PTGER4: variants seen among roughly 807,000 people sequenced by gnomAD.
The protein encoded by PTGER4 is prostaglandin E2 receptor EP4 subtype.
In PTGER4, 11 loss-of-function variants were observed where a neutral mutation model predicts 33.2. The ratio of observed to expected loss-of-function variants is 0.33; its 90% confidence interval spans 0.21 to 0.55. PTGER4 has a LOEUF of 0.55. PTGER4 is among the 20% of genes least tolerant of loss of function. The probability of loss-of-function intolerance (pLI) is 0.92; values close to 1 mark genes in which losing one functional copy is unlikely to be tolerated. For missense variants in PTGER4, 481 were observed against 650.2 expected (o/e 0.74, Z 2.83); for synonymous variants, 275 against 281.5 (o/e 0.98, Z 0.23).
At chr5:40,717,615 T>C in the PTGER4 span, among the ~76,000 whole-genome samples, 1 of 152,238 alleles carries the variant, frequency 6.6e-6, no homozygotes, top group Non-Finnish European at 1.5e-5. Context: ...CTAGTTGTGA[T>C]AAACAAAAAT....
chr5:40,715,262 G>A, the PTGER4 span: 4 of 152,074 alleles, frequency 2.6e-5, no homozygotes, highest in Admixed American at 1.3e-4. Context: ...AAAGACACAA[G>A]CAAGAAGTAA....
Position 40,681,931 on chromosome 5 carries a change from C to G in PTGER4, c.867+71C>G. ...CACCTCCCGCGTCCATTCCCCGCTC[C>G]CTGCTTTCCCTCTGAGTCCTTGGCA... On this transcript the variant is annotated intron_variant, in intron 2 of 2. Transcript: ENST00000302472. This position sits in a 1 kb window ranked among gnomAD's most constrained non-coding sequence, Gnocchi z 9.8. 1 of 1,450,878 alleles carries G rather than the reference C, an allele frequency of 6.9e-7. No individual in the cohort carries two copies. The highest frequency in any genetic ancestry group is 1.4e-5 in the South Asian group (1 of 70,044). 89.9% of individuals were successfully genotyped at this position (1,450,878 alleles called of 1,614,324 possible).
rs1741147091 is a variant in PTGER4, at chr5:40,680,129, C to T, written c.-393C>T. ...AGCTGGGGACCAAGGCTCCGCGCCA[C>T]CTGCGCGCACAGCCTCACACCTGAA... On this transcript the variant is annotated 5_prime_UTR_variant, in exon 1 of 3. Coordinates refer to ENST00000302472, the MANE Select transcript of PTGER4 (RefSeq NM_000958.3). The surrounding 1 kb of genome is among the most constrained non-coding windows in gnomAD (Gnocchi z 5.5). 1 of 152,426 alleles carries T rather than the reference C, an allele frequency of 6.6e-6. No homozygotes were observed. The highest frequency in any genetic ancestry group is 6.5e-5 in the Admixed American group (1 of 15,296). 9.4% of individuals were successfully genotyped at this position (152,426 alleles called of 1,614,324 possible).
chr5:40,684,025 T>C (rs778603536), intron 2 of PTGER4, among the ~76,000 whole-genome samples: 4 of 151,996 alleles, frequency 2.6e-5, no homozygotes, highest in Non-Finnish European at 5.9e-5. Context: ...AGCAGTGGCA[T>C]CAGTTTGTCG....
At chr5:40,716,513 C>CA in the PTGER4 span, 6 of 1,554,338 alleles carry the variant, frequency 3.9e-6, no homozygotes, top group Non-Finnish European at 4.3e-6. Flanking sequence ...AAAATAAGGT[C>CA]AGAGTTTTTT....
chr5:40,724,325 T>C, the PTGER4 span, among the ~76,000 whole-genome samples: 6 of 151,982 alleles, frequency 3.9e-5, no homozygotes, highest in African/African-American at 1.5e-4. Context: ...AACAGGCAAA[T>C]TCATAGACTC....
At chr5:40,698,289 A>C (rs538545914), downstream of PTGER4, among the ~76,000 whole-genome samples, 10 of 151,824 alleles carry the variant, frequency 6.6e-5, no homozygotes, top group Admixed American at 2.6e-4. Flanking sequence ...AAAATTTAAT[A>C]ATAATCATCA....
chr5:40,689,778 T>A (rs1414184237), intron 2 of PTGER4, among the ~76,000 whole-genome samples: 1 of 152,204 alleles, frequency 6.6e-6, no homozygotes, highest in East Asian at 1.9e-4. Flanking sequence ...TTTCTCCTTT[T>A]TGTGGTTTTT....
chr5:40,741,262 T>C, the PTGER4 span, among the ~76,000 whole-genome samples: 1 of 152,212 alleles, frequency 6.6e-6, no homozygotes, highest in South Asian at 2.1e-4. Flanking sequence ...CTAGGGAAGG[T>C]CTGAAGTAGC....
chr5:40,734,482 C>A, the PTGER4 span, among the ~76,000 whole-genome samples: 6 of 152,146 alleles, frequency 3.9e-5, no homozygotes, highest in Admixed American at 2.6e-4. Context: ...AGGAAGGAAG[C>A]AAAGGGAATA....
intron 2 of PTGER4, among the ~76,000 whole-genome samples, chr5:40,690,318 C>T (rs553339764): frequency 2.0e-5 from 3 of 152,090 alleles, no homozygotes; most frequent in Admixed American, 6.5e-5. Flanking sequence ...CCAGCCTGGG[C>T]GACAGAGTGA....
chr5:40,696,858 C>A, downstream of PTGER4: 1 of 357,324 alleles, frequency 2.8e-6, no homozygotes, highest in Non-Finnish European at 3.9e-6. Context: ...GAACTCAAGG[C>A]AACAGCTCTG....
the PTGER4 span, among the ~76,000 whole-genome samples, chr5:40,726,207 A>G: frequency 7.4e-6 from 1 of 134,718 alleles, no homozygotes; most frequent in Non-Finnish European, 1.6e-5. Flanking sequence ...CCATATACAT[A>G]CATATTTTAT....
downstream of PTGER4, among the ~76,000 whole-genome samples, chr5:40,697,095 AGAAAAG>A (rs1392801765): frequency 2.8e-4 from 18 of 64,128 alleles, no homozygotes; most frequent in Non-Finnish European, 4.7e-4. Flanking sequence ...GGAAAGAAAG[AGAAAAG>A]AAAGAAAGGA....
chr5:40,715,449 A>G, the PTGER4 span: 1 of 152,342 alleles, frequency 6.6e-6, no homozygotes. Context: ...ACAATTAAAA[A>G]ATAAAACCAT....
the PTGER4 span, chr5:40,728,502 T>C: frequency 3.2e-6 from 5 of 1,569,728 alleles, no homozygotes; most frequent in South Asian, 4.7e-5. Context: ...GACCAAAAAA[T>C]CTGTCAGTAA....
chr5:40,684,089 AG>A (rs1291051850), intron 2 of PTGER4, among the ~76,000 whole-genome samples: 1 of 149,514 alleles, frequency 6.7e-6, no homozygotes, highest in African/African-American at 2.5e-5. Flanking sequence ...ATTATAAATT[AG>A]TGATAAATGA....
At chr5:40,721,686 A>G in the PTGER4 span, among the ~76,000 whole-genome samples, 1 of 150,218 alleles carries the variant, frequency 6.7e-6, no homozygotes, top group Non-Finnish European at 1.5e-5. Context: ...AAAAACAAAA[A>G]CAAAACAAAA....
At chr5:40,688,492 C>T (rs569095230) in intron 2 of PTGER4, among the ~76,000 whole-genome samples, 1 of 152,298 alleles carries the variant, frequency 6.6e-6, no homozygotes, top group East Asian at 1.9e-4. Flanking sequence ...ATGCTTTTTA[C>T]CAACAATTCC....
Sources: gnomAD v4.1 joint callset for allele counts (sites outside exome capture counted in the v4.1 genomes callset) on GRCh38, gnomAD v4.1.1 for gene constraint, Gnocchi (gnomAD v3.1) non-coding constraint, MANE v1.5 for transcripts, NCBI Gene and HGNC (gene_info 2026-07-23, HGNC 2026-07-21) for gene names.